NLGN1: variants seen among roughly 807,000 people sequenced by gnomAD.
NLGN1 encodes neuroligin-1.
A neutral mutation model predicts 65.5 loss-of-function variants in NLGN1; 12 were observed. The observed-to-expected ratio is 0.18, with a 90% CI of 0.12 to 0.30. NLGN1 has a LOEUF of 0.30. Ranked by LOEUF, NLGN1 falls within the 10% of genes least tolerant of loss-of-function variation. NLGN1 has a pLI of 1.00. For missense variants in NLGN1, 750 were observed against 1,007.1 expected, an observed-to-expected ratio of 0.74 and a Z score of 3.46; for synonymous variants, 350 against 359.5, an observed-to-expected ratio of 0.97 and a Z score of 0.30.
At chr3:173,709,079 G>T (rs1330145341) in intron 3 of NLGN1, among the ~76,000 whole-genome samples, 1 of 152,212 alleles carries the variant, frequency 6.6e-6, no homozygotes, top group African/African-American at 2.4e-5. Flanking sequence ...ACAGACGTAA[G>T]TATAGCCATG....
At chr3:173,781,594 TCTC>T (rs1417672803) in intron 3 of NLGN1, among the ~76,000 whole-genome samples, 1 of 152,182 alleles carries the variant, frequency 6.6e-6, no homozygotes, top group Admixed American at 6.5e-5. Flanking sequence ...GTTTGGTTGA[TCTC>T]CTTGAAACGT....
At chr3:173,668,294 A>G (rs1761986116) in intron 3 of NLGN1, among the ~76,000 whole-genome samples, 1 of 152,186 alleles carries the variant, frequency 6.6e-6, no homozygotes. Flanking sequence ...TTAAGGCAGA[A>G]GAAGAAAATA....
intron 2 of NLGN1, among the ~76,000 whole-genome samples, chr3:173,533,715 G>A (rs1433822085): frequency 2.0e-5 from 3 of 152,168 alleles, no homozygotes; most frequent in Non-Finnish European, 2.9e-5. Context: ...CGGGCTCGGT[G>A]GCACGTGCCT....
chr3:174,187,400 G>A (rs868135582), intron 4 of NLGN1, among the ~76,000 whole-genome samples: 13 of 152,018 alleles, frequency 8.6e-5, no homozygotes, highest in Admixed American at 2.6e-4. Flanking sequence ...ACCCCTGGTG[G>A]AGGATGAGAG....
intron 4 of NLGN1, among the ~76,000 whole-genome samples, chr3:174,268,760 T>C (rs949185296): frequency 6.6e-6 from 1 of 152,068 alleles, no homozygotes; most frequent in Non-Finnish European, 1.5e-5. Flanking sequence ...GTCATCTTCT[T>C]CTTTCCCACT....
chr3:174,290,307 C>T (rs914123929), downstream of NLGN1, among the ~76,000 whole-genome samples: 1 of 150,496 alleles, frequency 6.6e-6, no homozygotes, highest in Non-Finnish European at 1.5e-5. Flanking sequence ...TAACATTGAA[C>T]CCATAAACAG....
intron 3 of NLGN1, among the ~76,000 whole-genome samples, chr3:173,660,775 G>A (rs1002753647): frequency 2.0e-5 from 3 of 151,858 alleles, no homozygotes; most frequent in Non-Finnish European, 4.4e-5. Flanking sequence ...GTTCTCCACT[G>A]TCAAGTCCTT....
intron 4 of NLGN1, among the ~76,000 whole-genome samples, chr3:174,264,946 G>T (rs1195243290): frequency 6.6e-6 from 1 of 152,138 alleles, no homozygotes; most frequent in African/African-American, 2.4e-5. Context: ...CCTGCTGTGT[G>T]AGGTGTCAGT....
intron 3 of NLGN1, among the ~76,000 whole-genome samples, chr3:173,787,573 T>C (rs894484496): frequency 6.6e-6 from 1 of 152,220 alleles, no homozygotes; most frequent in African/African-American, 2.4e-5. Flanking sequence ...TTGAGACATT[T>C]TAATAGCTTA....
intron 4 of NLGN1, among the ~76,000 whole-genome samples, chr3:174,029,251 A>C (rs923495054): frequency 1.3e-5 from 2 of 152,202 alleles, no homozygotes; most frequent in Non-Finnish European, 2.9e-5. Context: ...TGTACCCTGC[A>C]AAACCACAAG....
chr3:173,583,613 G>T (rs1326154407), intron 2 of NLGN1, among the ~76,000 whole-genome samples: 1 of 152,198 alleles, frequency 6.6e-6, no homozygotes, highest in African/African-American at 2.4e-5. Flanking sequence ...CCCAATTTGT[G>T]TTTCAAGCCC....
intron 3 of NLGN1, among the ~76,000 whole-genome samples, chr3:173,783,717 C>T (rs376988421): frequency 6.6e-6 from 1 of 152,124 alleles, no homozygotes. Flanking sequence ...TGGGATTCAG[C>T]GATTCTCCAG....
At chr3:173,885,052 A>G (rs932206389) in intron 4 of NLGN1, among the ~76,000 whole-genome samples, 1 of 152,152 alleles carries the variant, frequency 6.6e-6, no homozygotes, top group Non-Finnish European at 1.5e-5. Flanking sequence ...TGAATAGTAT[A>G]AAGTTGGTGA....
intron 2 of NLGN1, among the ~76,000 whole-genome samples, chr3:173,516,127 G>A (rs1733771833): frequency 6.6e-6 from 1 of 151,868 alleles, no homozygotes; most frequent in East Asian, 1.9e-4. Context: ...ACCATCTTGG[G>A]TGCTTCTAAA....
intron 3 of NLGN1, among the ~76,000 whole-genome samples, chr3:173,640,061 C>T (rs1227202433): frequency 6.6e-6 from 1 of 152,124 alleles, no homozygotes; most frequent in Non-Finnish European, 1.5e-5. Context: ...CACCTATCTA[C>T]ATGTTGCTTA....
At chr3:173,448,586 T>C (rs1156541123) in intron 2 of NLGN1, among the ~76,000 whole-genome samples, 1 of 152,250 alleles carries the variant, frequency 6.6e-6, no homozygotes, top group Non-Finnish European at 1.5e-5. Context: ...TAAAATGGGT[T>C]AGGGAGGATT....
At position 174,250,758 on chromosome 3, in the gene NLGN1, C is replaced by T. The variant is rs75521509; in HGVS notation, c.647-24557C>T. Among the ~76,000 whole-genome samples the T allele has an allele frequency of 7.3e-3, 1,111 of 151,910 alleles. 14 individuals carry two copies. Among genetic ancestry groups the T allele is most frequent in the African/African-American group, 0.025 (1,032 of 41,418 alleles). Reference sequence around the variant, plus strand: ...ACAATTTAAAAACTATGGCCCATCTCGGGGGAAAGAAGCAGCTGTGACCCA... The same window carrying T: ...ACAATTTAAAAACTATGGCCCATCTTGGGGGAAAGAAGCAGCTGTGACCCA... On this transcript the variant is annotated intron_variant, in intron 4 of 6. Transcript: ENST00000457714.
At chr3:173,446,115 G>T (rs1720233325) in intron 2 of NLGN1, among the ~76,000 whole-genome samples, 1 of 150,446 alleles carries the variant, frequency 6.6e-6, no homozygotes, top group Non-Finnish European at 1.5e-5. Context: ...TGCACAACGT[G>T]CAGGTTTGTT....
At chr3:173,629,719 C>T (rs1755378292) in intron 3 of NLGN1, among the ~76,000 whole-genome samples, 1 of 151,922 alleles carries the variant, frequency 6.6e-6, no homozygotes, top group African/African-American at 2.4e-5. Context: ...ATAACTAATG[C>T]CTTTATCTCC....
Sources: allele counts gnomAD v4.1 joint callset (sites outside exome capture counted in the v4.1 genomes callset), GRCh38; gene constraint gnomAD v4.1.1; transcripts MANE v1.5; gene names NCBI Gene and HGNC (gene_info 2026-07-23, HGNC 2026-07-21).